LRRC72: variants seen among roughly 807,000 people sequenced by gnomAD.
LRRC72 encodes leucine rich repeat containing 72.
LRRC72 carries 41 observed loss-of-function variants against 35.8 expected under a neutral mutation model. The ratio of observed to expected loss-of-function variants is 1.15; its 90% confidence interval spans 0.89 to 1.49. LRRC72 has a LOEUF of 1.49. Ranked by LOEUF, LRRC72 falls within the 40% of genes most tolerant of loss-of-function variation. The pLI is 0.00. For synonymous variants in LRRC72, 118 were observed against 119.2 expected (o/e 0.99, Z 0.07); for missense variants, 389 against 330.7 (o/e 1.18, Z -1.37).
At chr7:16,566,245 A>T in intron 5 of LRRC72, 68 bp from the exon 6 acceptor site, 1 of 997,458 alleles carries the variant, frequency 1.0e-6, no homozygotes. Context: ...AATTTTTTGT[A>T]TTTTATAAGT....
At chr7:16,533,090 T>C (rs1258727354) in intron 2 of LRRC72, among the ~76,000 whole-genome samples, 2 of 152,118 alleles carry the variant, frequency 1.3e-5, no homozygotes, top group Non-Finnish European at 2.9e-5. Context: ...TAGTAAAAGT[T>C]AGTCAAAGTT....
intron 6 of LRRC72, among the ~76,000 whole-genome samples, chr7:16,566,810 A>G (rs982287229): frequency 2.0e-5 from 3 of 152,160 alleles, no homozygotes; most frequent in African/African-American, 7.2e-5. Context: ...GTAAATATAT[A>G]TATATTGAAA....
At chr7:16,528,123 G>C (rs1284482941) in intron 1 of LRRC72, among the ~76,000 whole-genome samples, 1 of 152,158 alleles carries the variant, frequency 6.6e-6, no homozygotes, top group African/African-American at 2.4e-5. Flanking sequence ...CCAAAACAAT[G>C]TTGTAGATTG....
At chr7:16,527,101 C>A in intron 1 of LRRC72, 59 bp downstream of exon 1, 1 of 1,375,386 alleles carries the variant, frequency 7.3e-7, no homozygotes, top group Non-Finnish European at 1.0e-6. Context: ...CCCAGGGCCC[C>A]ACCTCCTGCC....
intron 6 of LRRC72, 40 bp from the exon 7 acceptor site, chr7:16,567,351 T>C: frequency 7.6e-7 from 1 of 1,307,434 alleles, no homozygotes; most frequent in Non-Finnish European, 1.0e-6. Flanking sequence ...TCCGCCTATT[T>C]ATAATGTTAT....
chr7:16,551,709 T>C (rs994841800), intron 3 of LRRC72, among the ~76,000 whole-genome samples: 8 of 152,070 alleles, frequency 5.3e-5, no homozygotes, highest in African/African-American at 1.7e-4. Flanking sequence ...TCTGCATCCC[T>C]TCCCCCATAC....
chr7:16,566,198 G>A (rs1212066266), intron 5 of LRRC72, 115 bp from the exon 6 acceptor site: 2 of 606,134 alleles, frequency 3.3e-6, no homozygotes, highest in Middle Eastern at 3.5e-4. Flanking sequence ...ATATGGAGAA[G>A]AGCTTTACAA....
intron 2 of LRRC72, among the ~76,000 whole-genome samples, chr7:16,537,344 T>C (rs1390688285): frequency 1.3e-5 from 2 of 152,226 alleles, no homozygotes; most frequent in Non-Finnish European, 2.9e-5. Flanking sequence ...TTGTTTTGAA[T>C]TAAGGTTCCA....
intron 7 of LRRC72, among the ~76,000 whole-genome samples, chr7:16,574,668 G>A (rs1783007051): frequency 6.6e-6 from 1 of 152,058 alleles, no homozygotes; most frequent in Non-Finnish European, 1.5e-5. Context: ...GGCTGGGGGA[G>A]GGATAGCATT....
At chr7:16,529,584 G>T (rs758438563) in intron 1 of LRRC72, among the ~76,000 whole-genome samples, 5 of 152,104 alleles carry the variant, frequency 3.3e-5, no homozygotes, top group Non-Finnish European at 7.3e-5. Flanking sequence ...AACTGGAATT[G>T]TTCCACCATG....
At chr7:16,535,144 G>A (rs1161747984) in intron 2 of LRRC72, among the ~76,000 whole-genome samples, 1 of 151,924 alleles carries the variant, frequency 6.6e-6, no homozygotes, top group East Asian at 1.9e-4. Context: ...AGCCGAGATG[G>A]AGCCACTGTA....
intron 7 of LRRC72, among the ~76,000 whole-genome samples, chr7:16,578,831 A>G (rs544094629): frequency 3.4e-4 from 52 of 152,216 alleles, no homozygotes; most frequent in Non-Finnish European, 6.8e-4. Flanking sequence ...ATGACACTGG[A>G]GAGCGTTATA....
chr7:16,574,494 T>C (rs1489173873), intron 7 of LRRC72, among the ~76,000 whole-genome samples: 1 of 152,182 alleles, frequency 6.6e-6, no homozygotes, highest in Non-Finnish European at 1.5e-5. Context: ...TCATGTCCTT[T>C]GCAGGGATGT....
intron 1 of LRRC72, among the ~76,000 whole-genome samples, chr7:16,531,845 T>A (rs1782170805): frequency 6.6e-6 from 1 of 152,236 alleles, no homozygotes; most frequent in Non-Finnish European, 1.5e-5. Flanking sequence ...AAAACAGAGC[T>A]ATGGGAATAA....
intron 1 of LRRC72, among the ~76,000 whole-genome samples, chr7:16,528,526 T>C (rs1295468457): frequency 6.6e-6 from 1 of 152,120 alleles, no homozygotes; most frequent in Non-Finnish European, 1.5e-5. Flanking sequence ...TCTGCCTCCA[T>C]TTACTTGCCA....
At chr7:16,533,703 T>C (rs1000197973) in intron 2 of LRRC72, among the ~76,000 whole-genome samples, 1 of 152,090 alleles carries the variant, frequency 6.6e-6, no homozygotes, top group Non-Finnish European at 1.5e-5. Context: ...GAGAAAAGTG[T>C]TTACCTTTGT....
chr7:16,569,353 G>A (rs1782903023), intron 7 of LRRC72, among the ~76,000 whole-genome samples: 1 of 152,052 alleles, frequency 6.6e-6, no homozygotes. Context: ...TTGAACCTGG[G>A]AGGCGGAGGT....
At chr7:16,577,370 C>A (rs1367304817) in intron 7 of LRRC72, among the ~76,000 whole-genome samples, 2 of 151,826 alleles carry the variant, frequency 1.3e-5, no homozygotes, top group Non-Finnish European at 2.9e-5. Flanking sequence ...AAGGGAGATA[C>A]CATATACAAA....
At chr7:16,532,644 T>C (rs1782188272) in intron 2 of LRRC72, 76 bp downstream of exon 2, 1 of 1,188,464 alleles carries the variant, frequency 8.4e-7, no homozygotes, top group Non-Finnish European at 1.2e-6. Flanking sequence ...CAGATTCAAA[T>C]GTTATTTTCC....
Sources: gnomAD v4.1 joint callset for allele counts (sites outside exome capture counted in the v4.1 genomes callset) on GRCh38, gnomAD v4.1.1 for gene constraint, MANE v1.5 for transcripts, NCBI Gene and HGNC (gene_info 2026-07-23, HGNC 2026-07-21) for gene names.